GPC5: variants seen among roughly 807,000 people sequenced by gnomAD.
GPC5 encodes the protein glypican-5.
Under a neutral mutation model 53.9 loss-of-function variants are expected in GPC5, and 47 were observed. The observed-to-expected ratio is 0.87, with a 90% CI of 0.69 to 1.11. The LOEUF (loss-of-function observed/expected upper bound fraction) is 1.11. Ranked by LOEUF, GPC5 falls within the 50% of genes most tolerant of loss-of-function variation. The probability of loss-of-function intolerance (pLI) is 0.00; values close to 1 mark genes in which losing one functional copy is unlikely to be tolerated. For synonymous variants in GPC5, 286 were observed against 263.3 expected (o/e 1.09, Z -0.84); for missense variants, 748 against 713.1 (o/e 1.05, Z -0.56).
intron 7 of GPC5, among the ~76,000 whole-genome samples, chr13:92,571,305 T>C (rs1329835258): frequency 6.6e-6 from 1 of 152,146 alleles, no homozygotes; most frequent in Non-Finnish European, 1.5e-5. Flanking sequence ...CTCTGTGCAT[T>C]TCATAACAGA....
chr13:92,670,425 C>T (rs1445341227), intron 7 of GPC5, among the ~76,000 whole-genome samples: 2 of 152,160 alleles, frequency 1.3e-5, no homozygotes, highest in Non-Finnish European at 2.9e-5. Flanking sequence ...GGGCTGAAGA[C>T]AAGTGCATGC....
intron 2 of GPC5, among the ~76,000 whole-genome samples, chr13:91,569,710 A>G (rs2031697134): frequency 6.6e-6 from 1 of 152,162 alleles, no homozygotes; most frequent in Admixed American, 6.6e-5. Context: ...GGAAGTGATT[A>G]AGTCAAGAGT....
chr13:92,157,377 A>G (rs375810853), intron 7 of GPC5, among the ~76,000 whole-genome samples: 1 of 152,086 alleles, frequency 6.6e-6, no homozygotes, highest in Admixed American at 6.5e-5. Context: ...CTTAGGAGTG[A>G]GCTTGGTCAA....
chr13:92,677,497 G>A (rs1034839614), intron 7 of GPC5, among the ~76,000 whole-genome samples: 4 of 152,174 alleles, frequency 2.6e-5, no homozygotes, highest in African/African-American at 7.2e-5. Flanking sequence ...AACAAATTCT[G>A]TGTTTGTTCC....
intron 2 of GPC5, among the ~76,000 whole-genome samples, chr13:91,622,965 C>T (rs973950027): frequency 1.3e-5 from 2 of 152,086 alleles, no homozygotes; most frequent in African/African-American, 4.8e-5. Flanking sequence ...CTGTCTACCT[C>T]ATGAGGAATA....
intron 2 of GPC5, among the ~76,000 whole-genome samples, chr13:91,599,984 C>T (rs139622442): frequency 2.6e-4 from 39 of 151,614 alleles, no homozygotes; most frequent in Middle Eastern, 3.4e-3. Flanking sequence ...TGCAGTGGTG[C>T]GATCTTGGCT....
intron 7 of GPC5, among the ~76,000 whole-genome samples, chr13:92,685,065 T>C (rs1887220317): frequency 1.3e-5 from 2 of 151,186 alleles, no homozygotes; most frequent in Non-Finnish European, 2.9e-5. Context: ...TCCCTTTCCA[T>C]TGCCAGTGAG....
intron 7 of GPC5, among the ~76,000 whole-genome samples, chr13:92,474,527 A>G (rs1879029128): frequency 1.3e-5 from 2 of 151,990 alleles, no homozygotes; most frequent in African/African-American, 4.8e-5. Flanking sequence ...TATATTCACA[A>G]TGCTCAGCTT....
intron 7 of GPC5, among the ~76,000 whole-genome samples, chr13:92,383,948 T>G (rs952071829): frequency 6.6e-6 from 1 of 152,138 alleles, no homozygotes; most frequent in Non-Finnish European, 1.5e-5. Context: ...TTAAAAGTGC[T>G]AAGTACTCAT....
At chr13:91,768,955 AC>A (rs1411074130) in intron 5 of GPC5, among the ~76,000 whole-genome samples, 1 of 152,218 alleles carries the variant, frequency 6.6e-6, no homozygotes, top group Non-Finnish European at 1.5e-5. Flanking sequence ...TTACTATGTG[AC>A]TGCATATAGT....
chr13:92,292,378 G>C (rs1181407097), intron 7 of GPC5, among the ~76,000 whole-genome samples: 1 of 152,192 alleles, frequency 6.6e-6, no homozygotes, highest in South Asian at 2.1e-4. Flanking sequence ...ATTGTTGCTG[G>C]AGTAAGGTGG....
chr13:91,490,855 C>A (rs1883905199), intron 2 of GPC5, among the ~76,000 whole-genome samples: 1 of 152,136 alleles, frequency 6.6e-6, no homozygotes, highest in Admixed American at 6.6e-5. Flanking sequence ...TTTATAGTCA[C>A]CATCTCTCTA....
At chr13:91,409,979 G>A (rs1388164708) in intron 1 of GPC5, among the ~76,000 whole-genome samples, 1 of 152,154 alleles carries the variant, frequency 6.6e-6, no homozygotes, top group Non-Finnish European at 1.5e-5. Context: ...TTCCATTCCT[G>A]TGTTAATTTG....
At chr13:91,444,443 C>A (rs957724136) in intron 1 of GPC5, among the ~76,000 whole-genome samples, 1 of 152,016 alleles carries the variant, frequency 6.6e-6, no homozygotes, top group Non-Finnish European at 1.5e-5. Context: ...CTCTGAGTAT[C>A]GACCTCAATA....
At chr13:92,793,540 G>A (rs528554139) in intron 7 of GPC5, among the ~76,000 whole-genome samples, 22 of 151,770 alleles carry the variant, frequency 1.4e-4, no homozygotes, top group Non-Finnish European at 2.2e-4. Context: ...AGATCAGAGC[G>A]GAACTGAGAG....
At chr13:92,617,801 A>G (rs1203718584) in intron 7 of GPC5, among the ~76,000 whole-genome samples, 2 of 152,178 alleles carry the variant, frequency 1.3e-5, no homozygotes, top group African/African-American at 2.4e-5. Context: ...TACTCATACT[A>G]TAGGTGTTAC....
At chr13:91,590,190 A>G (rs1253917628) in intron 2 of GPC5, among the ~76,000 whole-genome samples, 1 of 151,792 alleles carries the variant, frequency 6.6e-6, no homozygotes, top group East Asian at 1.9e-4. Context: ...TCTTTATTTG[A>G]TAACATGGAT....
At chr13:91,484,222 A>G (rs1190914715) in intron 2 of GPC5, among the ~76,000 whole-genome samples, 2 of 152,172 alleles carry the variant, frequency 1.3e-5, no homozygotes, top group Non-Finnish European at 2.9e-5. Context: ...TGGTCTGATA[A>G]AGAAGGAACA....
intron 6 of GPC5, among the ~76,000 whole-genome samples, chr13:91,965,723 T>A (rs1423430866): frequency 6.6e-6 from 1 of 152,158 alleles, no homozygotes; most frequent in Non-Finnish European, 1.5e-5. Context: ...GCTGAGCATG[T>A]CAAAATAATC....
Sources: gnomAD v4.1 joint callset for allele counts (sites outside exome capture counted in the v4.1 genomes callset) on GRCh38, gnomAD v4.1.1 for gene constraint, MANE v1.5 for transcripts, NCBI Gene and HGNC (gene_info 2026-07-23, HGNC 2026-07-21) for gene names.